Variants in TGM4 observed in about 807,000 individuals in gnomAD.
TGM4 encodes protein-glutamine gamma-glutamyltransferase 4.
A neutral mutation model predicts 76.3 loss-of-function variants in TGM4; 61 were observed. The ratio of observed to expected loss-of-function variants is 0.80; its 90% CI spans 0.65 to 0.99. The LOEUF (loss-of-function observed/expected upper bound fraction) is 0.99, where lower values mean the gene tolerates loss of function less well. TGM4 is among the 50% of genes least tolerant of loss of function. The probability of loss-of-function intolerance (pLI) is 0.00; values close to 1 mark genes in which losing one functional copy is unlikely to be tolerated. For missense variants in TGM4, 794 were observed against 843.2 expected (o/e 0.94, Z 0.72); for synonymous variants, 337 against 329.8 (o/e 1.02, Z -0.24).
In TGM4 at chr3:44,893,467, G is replaced by A. The variant is rs1699730949; in HGVS notation, c.431-110G>A. On this transcript the variant is annotated intron_variant, in intron 4 of 13. Transcript: ENST00000296125. ...CCTCCCCCAACATTGGGTGTTCCAA[G>A]CCCCTCACAAAGACCTTGAATCTCC... 8.7e-6 allele frequency: 8 copies of A among 915,788 alleles called. No homozygotes were observed. The South Asian group carries it at 1.1e-4, about 13-fold the overall frequency. 56.7% of individuals were successfully genotyped at this position (915,788 alleles called of 1,614,324 possible). A position where few individuals can be genotyped will look rare whatever the true frequency, so the allele number is the denominator to read the frequency against.
chr3:44,880,369 T>C (rs1275055220), intron 1 of TGM4, among the ~76,000 whole-genome samples: 3 of 152,228 alleles, frequency 2.0e-5, no homozygotes, highest in Admixed American at 6.5e-5. Flanking sequence ...TTTATTTTAC[T>C]TTCTCAGTAT....
intron 1 of TGM4, among the ~76,000 whole-genome samples, chr3:44,881,596 C>T (rs891799864): frequency 2.0e-5 from 3 of 152,108 alleles, no homozygotes; most frequent in Non-Finnish European, 2.9e-5. Context: ...CTCTTAAGTG[C>T]GTTTTTTCTT....
At chr3:44,911,791 A>AT (rs370594480) in intron 13 of TGM4, among the ~76,000 whole-genome samples, 3 of 152,086 alleles carry the variant, frequency 2.0e-5, no homozygotes, top group East Asian at 1.9e-4. Flanking sequence ...TGTGCTGTGA[A>AT]TTTTTTTATA....
chr3:44,902,511 A>AATCAC (rs375896297), intron 8 of TGM4, among the ~76,000 whole-genome samples: 93 of 152,344 alleles, frequency 6.1e-4, no homozygotes, highest in African/African-American at 2.1e-3. Context: ...GAGGCAGGAG[A>AATCAC]ATCACTTGAA....
At chr3:44,880,037 G>A (rs560715398) in intron 1 of TGM4, among the ~76,000 whole-genome samples, 33 of 152,066 alleles carry the variant, frequency 2.2e-4, no homozygotes, top group Middle Eastern at 3.4e-3. Context: ...GGGCTCAAGG[G>A]ATCCCCCTGC....
intron 11 of TGM4, among the ~76,000 whole-genome samples, 182 bp downstream of exon 11, chr3:44,910,550 G>A (rs914825214): frequency 6.6e-6 from 1 of 152,184 alleles, no homozygotes; most frequent in Admixed American, 6.5e-5. Flanking sequence ...GAAGAAAAGT[G>A]AGCCAAAGAG....
intron 4 of TGM4, among the ~76,000 whole-genome samples, chr3:44,892,094 T>C (rs1339006364): frequency 3.3e-5 from 5 of 151,560 alleles, no homozygotes; most frequent in Non-Finnish European, 5.9e-5. Context: ...CTGTTTCTAC[T>C]AAAAATACAA....
At chr3:44,874,838 T>A in intron 1 of TGM4, 141 bp downstream of exon 1, 1 of 917,080 alleles carries the variant, frequency 1.1e-6, no homozygotes, top group Non-Finnish European at 1.6e-6. Context: ...GCTTTCTGTC[T>A]CATCCCTTTT....
At chr3:44,900,439 C>T (rs781388963) in intron 6 of TGM4, among the ~76,000 whole-genome samples, 7 of 152,180 alleles carry the variant, frequency 4.6e-5, no homozygotes, top group African/African-American at 4.8e-5. Context: ...TGAGAGGTCA[C>T]GGGAGGCCCA....
In TGM4 at chr3:44,901,578, G is replaced by A. The variant is rs764703289; in HGVS notation, c.712G>A (p.Glu238Lys). 8.7e-6 allele frequency: 14 copies of A among 1,613,992 alleles called. No homozygotes were observed. Among genetic ancestry groups the A allele is most frequent in the Non-Finnish European group, 1.1e-5 (13 of 1,179,940 alleles). Residue 238 changes from glutamate to lysine, a missense_variant, in exon 7 of 14, where the codon GAA (glutamate) becomes AAA (lysine). Glu to Lys is a moderately conservative substitution (Grantham distance 56). Transcript: ENST00000296125. Reference sequence around the variant, plus strand: ...CATTGGGAATTGGACTGGGGACTACGAAGGTGGCACAGCCCCATACAAGTG... The same window carrying A: ...CATTGGGAATTGGACTGGGGACTACAAAGGTGGCACAGCCCCATACAAGTG... ...VLIGNWTGDY[E>K]GGTAPYKWTG...
At chr3:44,909,944 C>T in intron 10 of TGM4, 146 bp from the exon 11 acceptor site, 1 of 816,868 alleles carries the variant, frequency 1.2e-6, no homozygotes. Flanking sequence ...TTTGAATGAT[C>T]CTCTGTGTGA....
intron 11 of TGM4, among the ~76,000 whole-genome samples, chr3:44,910,608 G>A (rs1699990520): frequency 6.6e-6 from 1 of 152,166 alleles, no homozygotes; most frequent in Admixed American, 6.5e-5. Flanking sequence ...TAAATTAGGG[G>A]TGCTGAAAGT....
rs115097986 is a variant in TGM4 at position 44,885,439 on chromosome 3, G to A, written c.134G>A (p.Arg45Gln). The A allele has an allele frequency of 8.6e-5, 139 of 1,613,234 alleles. No homozygotes were observed. The highest frequency in any genetic ancestry group is 1.1e-4 in the Non-Finnish European group (131 of 1,179,930). Residue 45 changes from arginine (R) to glutamine (Q), a missense_variant, in exon 2 of 14, where the codon CGG becomes CAG. Physicochemically the swap from Arg to Gln is conservative, Grantham distance 43. Coordinates refer to ENST00000296125, the MANE Select transcript of TGM4 (RefSeq NM_003241.4). ...CGGCGAGGACAGGTGTTTCACCTGC[G>A]GCTGGTGCTGAACCAGCCCCTACAA... ...VFRRGQVFHLRLVLNQPLQSY... is the reference protein window; with the variant it reads ...VFRRGQVFHLQLVLNQPLQSY...
intron 11 of TGM4, among the ~76,000 whole-genome samples, chr3:44,910,636 A>G (rs767062342): frequency 1.3e-5 from 2 of 152,178 alleles, no homozygotes; most frequent in African/African-American, 4.8e-5. Flanking sequence ...GAAGTCTTCT[A>G]TGGTGGCAGA....
intron 13 of TGM4, among the ~76,000 whole-genome samples, chr3:44,912,238 A>G (rs955272557): frequency 1.3e-5 from 2 of 152,192 alleles, no homozygotes; most frequent in Non-Finnish European, 2.9e-5. Flanking sequence ...ACTGAATTTC[A>G]TGTCATCCTA....
chr3:44,905,711 T>C (rs1699912805), intron 9 of TGM4, among the ~76,000 whole-genome samples: 1 of 152,206 alleles, frequency 6.6e-6, no homozygotes, highest in South Asian at 2.1e-4. Flanking sequence ...GGCAAAAAAA[T>C]GCTGTTAAAA....
intron 5 of TGM4, among the ~76,000 whole-genome samples, chr3:44,895,693 C>T (rs980749928): frequency 4.6e-5 from 7 of 152,050 alleles, no homozygotes; most frequent in Non-Finnish European, 8.8e-5. Flanking sequence ...CAAAACTCCC[C>T]CAGACTCCTT....
intron 1 of TGM4, among the ~76,000 whole-genome samples, chr3:44,879,574 G>C (rs948305408): frequency 1.3e-5 from 2 of 150,726 alleles, no homozygotes; most frequent in Non-Finnish European, 2.9e-5. Flanking sequence ...CCAGGTTCAC[G>C]CCATTCTCCC....
At chr3:44,900,786 A>G (rs558139915) in intron 6 of TGM4, 2 of 152,360 alleles carry the variant, frequency 1.3e-5, no homozygotes, top group South Asian at 2.1e-4. Flanking sequence ...GTGCTTTCAA[A>G]GGTGAACTCA....
Sources: gnomAD v4.1 joint callset for allele counts (sites outside exome capture counted in the v4.1 genomes callset) on GRCh38, gnomAD v4.1.1 for gene constraint, MANE v1.5 for transcripts, NCBI Gene and HGNC (gene_info 2026-07-23, HGNC 2026-07-21) for gene names.